The following FAM227B variants were observed in gnomAD, a reference collection of about 807,000 sequenced individuals.
FAM227B encodes protein FAM227B.
A neutral mutation model predicts 73.8 loss-of-function variants in FAM227B; 88 were observed. The observed-to-expected ratio is 1.19, with a 90% CI of 1.00 to 1.42. The LOEUF (loss-of-function observed/expected upper bound fraction) is 1.42. Among genes scored for constraint, FAM227B ranks in the 40% most tolerant of loss-of-function variants. The pLI is 0.00. For synonymous variants in FAM227B, 210 were observed against 190.5 expected (o/e 1.10, Z -0.84); for missense variants, 632 against 590.9 (o/e 1.07, Z -0.72).
chr15:49,608,610 AAATG>A (rs2077679387), intron 3 of FAM227B, among the ~76,000 whole-genome samples: 1 of 152,160 alleles, frequency 6.6e-6, no homozygotes, highest in African/African-American at 2.4e-5. Context: ...ATGAATAAAT[AAATG>A]AATAAACAAA....
chr15:49,600,011 A>G (rs1360668308), intron 3 of FAM227B, among the ~76,000 whole-genome samples: 1 of 152,100 alleles, frequency 6.6e-6, no homozygotes, highest in East Asian at 1.9e-4. Context: ...ATGGCCTTAA[A>G]GTCTCCTATT....
intron 9 of FAM227B, among the ~76,000 whole-genome samples, chr15:49,542,264 G>A (rs1220984187): frequency 6.6e-6 from 1 of 151,972 alleles, no homozygotes; most frequent in Non-Finnish European, 1.5e-5. Flanking sequence ...AAGTAAGTCT[G>A]AGTCACAGCC....
intron 11 of FAM227B, chr15:49,487,371 G>T (rs1268965746): frequency 6.6e-6 from 1 of 151,716 alleles, no homozygotes; most frequent in Non-Finnish European, 1.5e-5. Context: ...GTAAACAAAA[G>T]ATACTTTCAA....
intron 11 of FAM227B, among the ~76,000 whole-genome samples, chr15:49,480,979 A>G (rs2055891859): frequency 6.6e-6 from 1 of 152,242 alleles, no homozygotes; most frequent in South Asian, 2.1e-4. Flanking sequence ...AAGAAAAGCC[A>G]GCAAACATTA....
intron 9 of FAM227B, among the ~76,000 whole-genome samples, chr15:49,547,132 C>T (rs1039135124): frequency 3.3e-5 from 5 of 152,168 alleles, no homozygotes; most frequent in African/African-American, 1.2e-4. Context: ...ATTCAACATT[C>T]TTAAAGAAAA....
chr15:49,372,007 C>A (rs1357143858), intron 11 of FAM227B, among the ~76,000 whole-genome samples: 1 of 88,270 alleles, frequency 1.1e-5, no homozygotes, highest in Non-Finnish European at 2.5e-5. Context: ...AAATAAAATT[C>A]ACTTATAAAT....
At chr15:49,533,962 G>C (rs1047942620) in intron 10 of FAM227B, among the ~76,000 whole-genome samples, 3 of 151,738 alleles carry the variant, frequency 2.0e-5, no homozygotes, top group Non-Finnish European at 4.4e-5. Context: ...CTTTCTTGCT[G>C]TCTTCCTTTG....
intron 11 of FAM227B, among the ~76,000 whole-genome samples, chr15:49,470,859 G>T (rs1210994076): frequency 1.3e-5 from 2 of 152,184 alleles, no homozygotes; most frequent in African/African-American, 4.8e-5. Context: ...CATCTAGAAA[G>T]AATGAAAAGA....
intron 10 of FAM227B, among the ~76,000 whole-genome samples, chr15:49,534,379 A>G (rs1444896983): frequency 2.6e-5 from 4 of 151,906 alleles, no homozygotes; most frequent in Admixed American, 2.6e-4. Context: ...AGGGACAAAT[A>G]ACATTATTTT....
chr15:49,546,892 C>T (rs534186435), intron 9 of FAM227B, among the ~76,000 whole-genome samples: 12 of 152,278 alleles, frequency 7.9e-5, no homozygotes, highest in African/African-American at 2.9e-4. Context: ...CCCCATCTAG[C>T]AAGGCAGGCC....
At chr15:49,473,123 A>G (rs2054932365) in intron 11 of FAM227B, among the ~76,000 whole-genome samples, 2 of 152,076 alleles carry the variant, frequency 1.3e-5, no homozygotes, top group Admixed American at 1.3e-4. Context: ...ACATTTTTGT[A>G]TTTTTTCAAT....
intron 9 of FAM227B, among the ~76,000 whole-genome samples, chr15:49,559,301 C>T (rs1426955930): frequency 6.6e-6 from 1 of 152,112 alleles, no homozygotes; most frequent in Non-Finnish European, 1.5e-5. Context: ...GCCATTTGGG[C>T]ATTTGTGGGA....
intron 3 of FAM227B, among the ~76,000 whole-genome samples, chr15:49,601,930 A>G (rs1406920768): frequency 6.6e-6 from 1 of 152,210 alleles, no homozygotes; most frequent in Non-Finnish European, 1.5e-5. Context: ...TTCACTCAAC[A>G]TAAAAATTTT....
chr15:49,456,081 G>C (rs140375519), intron 11 of FAM227B, among the ~76,000 whole-genome samples: 1,588 of 152,154 alleles, frequency 0.01, 33 homozygotes, highest in African/African-American at 0.036. Flanking sequence ...TAACTTATAA[G>C]ACATTCTAAA....
intron 11 of FAM227B, among the ~76,000 whole-genome samples, chr15:49,398,440 G>A (rs1398371962): frequency 2.7e-4 from 35 of 127,566 alleles, no homozygotes; most frequent in Middle Eastern, 3.8e-3. Flanking sequence ...ACAGATCAAC[G>A]AGACAGAAAG....
chr15:49,381,925 AAAATATGTG>A lies in FAM227B; in HGVS notation c.1013-10535_1013-10527del, dbSNP rs575890957. On this transcript the variant is annotated intron_variant, in intron 11 of 15. Coordinates refer to ENST00000299338, the MANE Select transcript of FAM227B (RefSeq NM_152647.3). ...ATTTTAAAATCTCATGCCTAATTTTAAAATATGTGAAATATGTAGGAAGAAATTATTTAA... is the reference window on the plus strand; with the variant it reads ...ATTTTAAAATCTCATGCCTAATTTTAAAATATGTAGGAAGAAATTATTTAA... Among the ~76,000 whole-genome samples, 112 of 152,278 alleles carry A rather than the reference AAAATATGTG, an allele frequency of 7.4e-4. No individual in the cohort carries two copies. In the South Asian group the frequency reaches 0.012, roughly 17 times the overall value.
chr15:49,483,509 C>T (rs1388779263), intron 11 of FAM227B, among the ~76,000 whole-genome samples: 1 of 152,044 alleles, frequency 6.6e-6, no homozygotes, highest in Non-Finnish European at 1.5e-5. Flanking sequence ...ATCCTTCCAG[C>T]TCTAAAATTC....
intron 7 of FAM227B, among the ~76,000 whole-genome samples, chr15:49,575,502 A>C (rs2075388859): frequency 6.6e-6 from 1 of 152,136 alleles, no homozygotes; most frequent in Non-Finnish European, 1.5e-5. Context: ...TTCATAGAAT[A>C]CATGTTTGTA....
intron 11 of FAM227B, among the ~76,000 whole-genome samples, chr15:49,491,591 C>T (rs1291256660): frequency 6.6e-6 from 1 of 151,844 alleles, no homozygotes; most frequent in East Asian, 1.9e-4. Context: ...CCCTGCTCTG[C>T]TCTTAAGGAC....
Sources: gnomAD v4.1 joint callset for allele counts (sites outside exome capture counted in the v4.1 genomes callset) on GRCh38, gnomAD v4.1.1 for gene constraint, MANE v1.5 for transcripts, NCBI Gene and HGNC (gene_info 2026-07-23, HGNC 2026-07-21) for gene names.